The following RAD51B variants were observed in gnomAD, a reference collection of about 807,000 sequenced individuals.
RAD51B encodes DNA repair protein RAD51 homolog 2.
In RAD51B, 38 loss-of-function variants were observed where a neutral mutation model predicts 42.2. The ratio of observed to expected loss-of-function variants is 0.90; its 90% CI spans 0.70 to 1.18. The LOEUF is 1.18. RAD51B is among the 50% of genes most tolerant of loss of function. The pLI is 0.00. For missense variants in RAD51B, 373 were observed against 400.7 expected (o/e 0.93, Z 0.59); for synonymous variants, 154 against 145.2 (o/e 1.06, Z -0.43).
intron 4 of RAD51B, chr14:67,864,681 A>G (rs1321352881): frequency 7.2e-6 from 3 of 414,910 alleles, no homozygotes; most frequent in African/African-American, 4.1e-5. Flanking sequence ...CCAAGTTATG[A>G]TGGTATAAAT....
At chr14:68,086,777 A>G (rs1199033148) in intron 7 of RAD51B, among the ~76,000 whole-genome samples, 1 of 152,130 alleles carries the variant, frequency 6.6e-6, no homozygotes, top group Non-Finnish European at 1.5e-5. Flanking sequence ...AATTTCTAAT[A>G]TTGGGGGCTT....
chr14:67,948,296 A>G (rs1455483188), intron 7 of RAD51B, among the ~76,000 whole-genome samples: 6 of 152,090 alleles, frequency 3.9e-5, no homozygotes, highest in Middle Eastern at 3.2e-3. Context: ...GACATTTTGA[A>G]CTTCTCTGGT....
At chr14:67,853,925 GAGAA>G (rs1402112643) in intron 4 of RAD51B, among the ~76,000 whole-genome samples, 1 of 152,172 alleles carries the variant, frequency 6.6e-6, no homozygotes, top group Non-Finnish European at 1.5e-5. Flanking sequence ...AGCAGCAGAG[GAGAA>G]ATCAGAGACA....
At chr14:68,326,031 TTC>T (rs1566810028) in intron 8 of RAD51B, among the ~76,000 whole-genome samples, 1 of 15,142 alleles carries the variant, frequency 6.6e-5, no homozygotes, top group African/African-American at 3.5e-4. Flanking sequence ...GTTATTCTTT[TTC>T]TTTTCTTTTT....
intron 7 of RAD51B, among the ~76,000 whole-genome samples, chr14:68,063,462 G>T (rs954515955): frequency 6.6e-6 from 1 of 152,092 alleles, no homozygotes. Flanking sequence ...GGGGCTGGGC[G>T]CAGTGGCTCA....
intron 7 of RAD51B, among the ~76,000 whole-genome samples, chr14:68,258,427 ACACACTCT>A (rs1404751112): frequency 6.7e-6 from 1 of 149,022 alleles, no homozygotes; most frequent in Admixed American, 6.7e-5. Context: ...ACACACACAC[ACACACTCT>A]CTCTCTCTCA....
chr14:68,200,892 G>A (rs1453643564), intron 7 of RAD51B, among the ~76,000 whole-genome samples: 1 of 151,862 alleles, frequency 6.6e-6, no homozygotes, highest in Non-Finnish European at 1.5e-5. Flanking sequence ...TCCTGGACTC[G>A]AGCAATCCTC....
intron 7 of RAD51B, among the ~76,000 whole-genome samples, chr14:68,273,658 A>C (rs2081164914): frequency 6.6e-6 from 1 of 152,078 alleles, no homozygotes; most frequent in Non-Finnish European, 1.5e-5. Flanking sequence ...GGCAACCCTG[A>C]TTAGGTTCGG....
intron 7 of RAD51B, among the ~76,000 whole-genome samples, chr14:68,065,554 T>C (rs1024965737): frequency 1.3e-5 from 2 of 152,188 alleles, no homozygotes; most frequent in African/African-American, 4.8e-5. Flanking sequence ...GCTTGGATGC[T>C]GCTCGCCTAG....
chr14:68,618,487 A>C (rs2140113593), intron 10 of RAD51B, among the ~76,000 whole-genome samples: 1 of 152,250 alleles, frequency 6.6e-6, no homozygotes, highest in Middle Eastern at 3.4e-3. Flanking sequence ...CTTTGGATTT[A>C]GGGAGGGTAA....
chr14:68,140,770 G>T (rs1456000771), intron 7 of RAD51B, among the ~76,000 whole-genome samples: 2 of 152,130 alleles, frequency 1.3e-5, no homozygotes, highest in African/African-American at 4.8e-5. Context: ...TTGTCTTACT[G>T]AGTTGTCTCA....
intron 5 of RAD51B, among the ~76,000 whole-genome samples, chr14:67,867,719 T>C (rs1176755432): frequency 1.3e-5 from 2 of 152,152 alleles, no homozygotes; most frequent in South Asian, 2.1e-4. Flanking sequence ...GAAATGGATA[T>C]TGGATTGGTA....
In RAD51B at chr14:68,648,311, G is replaced by C. The variant is rs1290470703; in HGVS notation, c.1037-2470G>C. 2.0e-5 allele frequency among the ~76,000 whole-genome samples: 3 copies of C among 147,522 alleles called. 1 individual carries two copies. The South Asian group carries it at 6.4e-4, about 32-fold the overall frequency. On this transcript the variant is annotated intron_variant, in intron 10 of 11. Coordinates refer to the RAD51B transcript ENST00000488612. ...CCCACTAATACTTAGCTTTTATATG[G>C]CTGGTCTCCAAAGTAGGGTGTGTGC...
At chr14:68,533,452 C>T (rs1047405138) in intron 10 of RAD51B, among the ~76,000 whole-genome samples, 3 of 152,126 alleles carry the variant, frequency 2.0e-5, no homozygotes, top group Admixed American at 2.0e-4. Context: ...CTGGAGACAT[C>T]AAGAGAGGAT....
intron 7 of RAD51B, among the ~76,000 whole-genome samples, chr14:67,982,887 G>A (rs1166953973): frequency 6.6e-6 from 1 of 151,940 alleles, no homozygotes; most frequent in African/African-American, 2.4e-5. Context: ...AACATAGTGA[G>A]ACACGAATAT....
chr14:68,598,199 T>C (rs1891080294), downstream of RAD51B, among the ~76,000 whole-genome samples: 1 of 152,158 alleles, frequency 6.6e-6, no homozygotes, highest in South Asian at 2.1e-4. Context: ...TTCCTGTTGA[T>C]ATCATTGTCA....
chr14:68,025,264 T>A (rs546587452), intron 7 of RAD51B, among the ~76,000 whole-genome samples: 34 of 152,258 alleles, frequency 2.2e-4, no homozygotes, highest in African/African-American at 6.7e-4. Context: ...TGTTGAGGAT[T>A]TTTACACCTA....
At chr14:68,215,104 A>G (rs967682635) in intron 7 of RAD51B, among the ~76,000 whole-genome samples, 1 of 152,240 alleles carries the variant, frequency 6.6e-6, no homozygotes, top group Non-Finnish European at 1.5e-5. Context: ...CAAAGATAGT[A>G]TGTTCAATTC....
intron 7 of RAD51B, among the ~76,000 whole-genome samples, chr14:68,076,483 G>T (rs1200733977): frequency 6.6e-6 from 1 of 152,172 alleles, no homozygotes; most frequent in Non-Finnish European, 1.5e-5. Context: ...GAAAGTAAAA[G>T]AAACTTATTT....
Sources: allele counts gnomAD v4.1 joint callset (sites outside exome capture counted in the v4.1 genomes callset), GRCh38; gene constraint gnomAD v4.1.1; transcripts MANE v1.5; gene names NCBI Gene and HGNC (gene_info 2026-07-23, HGNC 2026-07-21).